Variants in GYS2 observed in about 807,000 individuals in gnomAD.
GYS2 encodes glycogen synthase 2, also known as glycogen [starch] synthase, liver.
GYS2 carries 80 observed loss-of-function variants against 85.6 expected under a neutral mutation model. The ratio of observed to expected loss-of-function variants is 0.93; its 90% CI spans 0.78 to 1.13. GYS2 has a LOEUF of 1.13. Among genes scored for constraint, GYS2 ranks in the 50% most tolerant of loss-of-function variants. The probability of loss-of-function intolerance (pLI) is 0.00; values close to 1 mark genes in which losing one functional copy is unlikely to be tolerated. For synonymous variants in GYS2, 328 were observed against 300.7 expected, an observed-to-expected ratio of 1.09 and a Z score of -0.94; for missense variants, 881 against 854.9, an observed-to-expected ratio of 1.03 and a Z score of -0.38.
At chr12:21,578,519 T>C (rs1047193549) in intron 2 of GYS2, among the ~76,000 whole-genome samples, 4 of 152,172 alleles carry the variant, frequency 2.6e-5, no homozygotes, top group Admixed American at 6.5e-5. Flanking sequence ...TGACTACATC[T>C]CAAACATGTC....
At chr12:21,580,270 GTTC>G in intron 2 of GYS2, 69 bp downstream of exon 2, 1 of 1,296,602 alleles carries the variant, frequency 7.7e-7, no homozygotes, top group Non-Finnish European at 1.1e-6. Flanking sequence ...TCTCTTGTGA[GTTC>G]ATGTTAGTTA....
rs144740195 is a variant in GYS2 at position 21,560,058 on chromosome 12, C to T, written c.1169+328G>A. On this transcript the variant is annotated intron_variant, in intron 8 of 15. Transcript: ENST00000261195. ...TTGTTGAATCTGAACTATGAGTATA[C>T]AGGGAGTCATATTACTAAGCTTTTT... is the stretch of plus-strand genomic sequence containing the variant. Among the ~76,000 whole-genome samples the T allele has an allele frequency of 3.4e-3, 519 of 152,208 alleles. 4 individuals are homozygous for T. The highest frequency in any genetic ancestry group is 0.012 in the African/African-American group (502 of 41,556).
At chr12:21,581,438 T>C (rs1251917261) in intron 1 of GYS2, among the ~76,000 whole-genome samples, 1 of 152,154 alleles carries the variant, frequency 6.6e-6, no homozygotes, top group Non-Finnish European at 1.5e-5. Flanking sequence ...CCCCCAGTCA[T>C]GTACCCCCTT....
At chr12:21,562,783 G>A (rs1349394811) in intron 7 of GYS2, 135 bp downstream of exon 7, 1 of 894,088 alleles carries the variant, frequency 1.1e-6, no homozygotes, top group Non-Finnish European at 1.8e-6. Context: ...TAAATTGAAA[G>A]GCTGAAGCCA....
At chr12:21,564,674 A>G (rs4762710) in intron 5 of GYS2, among the ~76,000 whole-genome samples, 106,579 of 152,058 alleles carry the variant, frequency 0.7, 37,964 homozygotes, top group South Asian at 0.79. Flanking sequence ...TAAATGAACT[A>G]TATAATGTGA....
chr12:21,578,647 A>C (rs978603211), intron 2 of GYS2, among the ~76,000 whole-genome samples: 1 of 151,898 alleles, frequency 6.6e-6, no homozygotes, highest in Non-Finnish European at 1.5e-5. Context: ...ATCATCAAAA[A>C]CATTGGGTAA....
At chr12:21,598,803 T>C (rs1003473031) in intron 1 of GYS2, among the ~76,000 whole-genome samples, 9 of 152,146 alleles carry the variant, frequency 5.9e-5, no homozygotes. Context: ...GAATTTGAAC[T>C]TAACCTTCAC....
chr12:21,562,799 A>G (rs1268340389), intron 7 of GYS2, 119 bp downstream of exon 7: 2 of 1,082,130 alleles, frequency 1.8e-6, no homozygotes, highest in African/African-American at 3.1e-5. Flanking sequence ...AGCCATTTTT[A>G]GAATACGATT....
At chr12:21,583,112 C>T (rs1380725896) in intron 1 of GYS2, among the ~76,000 whole-genome samples, 1 of 152,170 alleles carries the variant, frequency 6.6e-6, no homozygotes, top group Non-Finnish European at 1.5e-5. Context: ...CAAGATATCA[C>T]AGTGGTCCAT....
chr12:21,544,402 T>G (rs184883615), intron 12 of GYS2, among the ~76,000 whole-genome samples: 3 of 152,248 alleles, frequency 2.0e-5, no homozygotes, highest in Non-Finnish European at 2.9e-5. Flanking sequence ...AGTTTAACTT[T>G]GCCCTATAAA....
intron 5 of GYS2, 41 bp downstream of exon 5, chr12:21,568,824 A>G (rs1411530705): frequency 7.0e-6 from 11 of 1,570,296 alleles, no homozygotes; most frequent in South Asian, 1.1e-5. Flanking sequence ...GTGTAACATC[A>G]TTCGGAACTG....
chr12:21,565,045 G>C (rs565145660), intron 5 of GYS2, among the ~76,000 whole-genome samples: 2 of 151,848 alleles, frequency 1.3e-5, no homozygotes, highest in Non-Finnish European at 2.9e-5. Flanking sequence ...GTAATCCTCA[G>C]CAGTTTTCCA....
At chr12:21,567,574 C>A (rs1181782201) in intron 5 of GYS2, among the ~76,000 whole-genome samples, 3 of 146,622 alleles carry the variant, frequency 2.0e-5, no homozygotes, top group African/African-American at 7.6e-5. Context: ...AATACCTCTT[C>A]TACACATTCT....
At position 21,562,770 on chromosome 12, in the gene GYS2, A is replaced by G. The variant is rs1321311532; in HGVS notation, c.1062+148T>C. 37 of 785,318 alleles carry G rather than the reference A, an allele frequency of 4.7e-5. No homozygotes were observed. The South Asian group carries it at 5.4e-4, about 12-fold the overall frequency. 48.6% of individuals were successfully genotyped at this position (785,318 alleles called of 1,614,324 possible). On this transcript the variant is annotated intron_variant, in intron 7 of 15. Coordinates refer to ENST00000261195, the MANE Select transcript of GYS2 (RefSeq NM_021957.4). ...AAGTCAACAGTGTGGTAACTCCAAT[A>G]TGTAAATTGAAAGGCTGAAGCCATT... is the stretch of plus-strand genomic sequence containing the variant.
In GYS2 at chr12:21,536,530, A is replaced by C; in HGVS notation, c.*424T>G. ...ACCTAGCTATTTAAAAAATGTAGGT[A>C]GTGCACATTCATGGGTAAGATCAAG... is the stretch of plus-strand genomic sequence containing the variant. On this transcript the variant is annotated 3_prime_UTR_variant, in exon 16 of 16. Coordinates refer to ENST00000261195, the MANE Select transcript of GYS2 (RefSeq NM_021957.4). The C allele has an allele frequency of 4.7e-6, 1 of 212,172 alleles. No homozygotes were observed. The highest frequency in any genetic ancestry group is 9.5e-6 in the Non-Finnish European group (1 of 105,790). The allele number at this position is 212,172 out of a possible 1,614,324, so 13.1% of individuals were successfully genotyped here.
At chr12:21,594,077 C>T (rs2136930396) in intron 1 of GYS2, among the ~76,000 whole-genome samples, 1 of 152,080 alleles carries the variant, frequency 6.6e-6, no homozygotes, top group Middle Eastern at 3.4e-3. Context: ...CTATCTGCAG[C>T]CAATCATAGA....
chr12:21,562,972 G>A lies in GYS2; in HGVS notation c.1008C>T (p.Asn336=). The stretch of plus-strand genomic sequence containing the variant: ...ATTCTAGGAAGATGTCAGCTCCTTT[G>A]TTTGAAAACTCATACCTCCCAGCAA... ...LFIAGRYEFS[N]KGADIFLESL... The change falls in exon 7 of 16, where the codon AAC becomes AAT. Residue 336 remains asparagine, a synonymous_variant. Transcript: ENST00000261195. 1 of 1,612,510 alleles carries A rather than the reference G, an allele frequency of 6.2e-7. No individual in the cohort carries two copies.
chr12:21,581,654 C>T (rs947590732), intron 1 of GYS2, among the ~76,000 whole-genome samples: 1 of 152,188 alleles, frequency 6.6e-6, no homozygotes, highest in Non-Finnish European at 1.5e-5. Flanking sequence ...TCTATTAAAA[C>T]ACAAAGCCAC....
intron 11 of GYS2, among the ~76,000 whole-genome samples, chr12:21,547,834 G>T (rs1234078363): frequency 6.6e-6 from 1 of 152,098 alleles, no homozygotes; most frequent in Non-Finnish European, 1.5e-5. Flanking sequence ...GCTGATAATG[G>T]GGGAGTCTAT....
Sources: allele counts gnomAD v4.1 joint callset (sites outside exome capture counted in the v4.1 genomes callset), GRCh38; gene constraint gnomAD v4.1.1; transcripts MANE v1.5; gene names NCBI Gene and HGNC (gene_info 2026-07-23, HGNC 2026-07-21).